DLGAP2: variants seen among roughly 807,000 people sequenced by gnomAD.
DLGAP2 encodes the protein DLG associated protein 2, also known as disks large-associated protein 2.
Under a neutral mutation model 100.3 loss-of-function variants are expected in DLGAP2, and 26 were observed. The ratio of observed to expected loss-of-function variants is 0.26; its 90% CI spans 0.19 to 0.36. The LOEUF is 0.36. DLGAP2 is among the 10% of genes least tolerant of loss of function. The probability of loss-of-function intolerance (pLI) is 1.00; values close to 1 mark genes in which losing one functional copy is unlikely to be tolerated. For synonymous variants in DLGAP2, 886 were observed against 630.1 expected (o/e 1.41, Z -6.08); for missense variants, 1,858 against 1,453.2 (o/e 1.28, Z -4.53).
At chr8:1,376,115 T>C (rs1393804111) in intron 3 of DLGAP2, among the ~76,000 whole-genome samples, 4 of 150,578 alleles carry the variant, frequency 2.7e-5, no homozygotes, top group Admixed American at 1.3e-4. Flanking sequence ...CTCCACGACC[T>C]CAGAACTGAG....
In DLGAP2 at chr8:1,318,880, C is replaced by T. The variant is rs1800830294; in HGVS notation, c.106+59997C>T. On this transcript the variant is annotated intron_variant, in intron 3 of 14. Coordinates refer to ENST00000637795, the MANE Select transcript of DLGAP2 (RefSeq NM_001346810.2). ...AGGCAGAGTTAATGATGTCCTTTCA[C>T]CACTTAGAAGGGTCCAGTGGGTCCC... Among the ~76,000 whole-genome samples, 3 of 148,694 alleles carry T rather than the reference C, an allele frequency of 2.0e-5. No individual in the cohort carries two copies. The South Asian group carries it at 6.4e-4, about 32-fold the overall frequency.
chr8:1,103,396 C>T (rs1210641336), intron 2 of DLGAP2, among the ~76,000 whole-genome samples: 1 of 151,646 alleles, frequency 6.6e-6, no homozygotes, highest in African/African-American at 2.4e-5. Flanking sequence ...TGACGACTGG[C>T]AGGGCCTTGT....
chr8:913,813 T>C (rs113597574), intron 2 of DLGAP2, among the ~76,000 whole-genome samples: 184 of 152,350 alleles, frequency 1.2e-3, no homozygotes, highest in African/African-American at 4.0e-3. Context: ...ATTATCCACA[T>C]GTGACTTTCC....
chr8:1,216,057 A>G (rs563949294), intron 2 of DLGAP2, among the ~76,000 whole-genome samples: 2 of 152,314 alleles, frequency 1.3e-5, no homozygotes, highest in African/African-American at 4.8e-5. Context: ...GCATCTGTGC[A>G]TTGGTTGGCT....
intron 3 of DLGAP2, among the ~76,000 whole-genome samples, chr8:1,364,406 GCC>G (rs144967929): frequency 0.017 from 2,656 of 152,034 alleles, 59 homozygotes; most frequent in African/African-American, 0.061. Context: ...CTGTGGGCAG[GCC>G]TGGGGGCCTC....
intron 1 of DLGAP2, among the ~76,000 whole-genome samples, chr8:794,107 G>T (rs4735924): frequency 6.6e-6 from 1 of 151,424 alleles, no homozygotes; most frequent in Non-Finnish European, 1.5e-5. Flanking sequence ...CTGCAGGACA[G>T]GGTCCCTTGT....
chr8:1,658,110 C>G (rs1425220215), intron 8 of DLGAP2, among the ~76,000 whole-genome samples: 1 of 152,060 alleles, frequency 6.6e-6, no homozygotes, highest in Non-Finnish European at 1.5e-5. Context: ...ACATAGTTCG[C>G]AAAAAGACTG....
At chr8:1,354,111 C>T (rs1205221418) in intron 3 of DLGAP2, among the ~76,000 whole-genome samples, 1 of 152,296 alleles carries the variant, frequency 6.6e-6, no homozygotes, top group African/African-American at 2.4e-5. Flanking sequence ...TAACTTCACC[C>T]AGAAATTGTA....
At chr8:987,826 C>G (rs73673045) in intron 2 of DLGAP2, among the ~76,000 whole-genome samples, 1 of 152,164 alleles carries the variant, frequency 6.6e-6, no homozygotes, top group Non-Finnish European at 1.5e-5. Flanking sequence ...CCAGTTTCCC[C>G]CAACATATGA....
At chr8:1,078,037 G>A (rs1401163862) in intron 2 of DLGAP2, among the ~76,000 whole-genome samples, 1 of 152,142 alleles carries the variant, frequency 6.6e-6, no homozygotes, top group Non-Finnish European at 1.5e-5. Context: ...GTCAAGCACA[G>A]AGGAACTTAA....
At chr8:1,657,537 T>C (rs1798311928) in intron 8 of DLGAP2, among the ~76,000 whole-genome samples, 1 of 152,248 alleles carries the variant, frequency 6.6e-6, no homozygotes, top group Non-Finnish European at 1.5e-5. Context: ...AATGATCATT[T>C]TGAATTCTTT....
intron 1 of DLGAP2, among the ~76,000 whole-genome samples, chr8:830,490 C>G (rs1233477882): frequency 2.0e-5 from 3 of 152,218 alleles, no homozygotes; most frequent in African/African-American, 4.8e-5. Flanking sequence ...ATTCTACTCT[C>G]TATCTCCGTG....
chr8:986,095 G>T (rs751881600), intron 2 of DLGAP2, among the ~76,000 whole-genome samples: 13 of 151,996 alleles, frequency 8.6e-5, no homozygotes, highest in African/African-American at 3.1e-4. Context: ...ACGTTATTAG[G>T]GGGGAGTATG....
chr8:1,530,939 G>A (rs1052248660), intron 4 of DLGAP2, among the ~76,000 whole-genome samples: 2 of 152,196 alleles, frequency 1.3e-5, no homozygotes, highest in African/African-American at 4.8e-5. Context: ...AATTCAGTAG[G>A]CTGAAATTCC....
chr8:1,580,728 C>CA (rs1419908847), intron 6 of DLGAP2, among the ~76,000 whole-genome samples: 5 of 44,776 alleles, frequency 1.1e-4, no homozygotes, highest in Middle Eastern at 7.2e-3. Flanking sequence ...AGACAAACCC[C>CA]CACACATCTA....
intron 1 of DLGAP2, among the ~76,000 whole-genome samples, chr8:856,864 C>A (rs181992942): frequency 3.5e-4 from 53 of 152,172 alleles, no homozygotes; most frequent in African/African-American, 1.3e-3. Flanking sequence ...TTGTGGATAT[C>A]AACAAATTGA....
chr8:1,184,142 T>C (rs1459425039), intron 2 of DLGAP2, among the ~76,000 whole-genome samples: 5 of 152,230 alleles, frequency 3.3e-5, no homozygotes, highest in Non-Finnish European at 7.3e-5. Flanking sequence ...TGTCTCCAAG[T>C]TGCACAGCGG....
At chr8:1,592,359 C>T (rs1016236400) in intron 6 of DLGAP2, among the ~76,000 whole-genome samples, 1 of 152,086 alleles carries the variant, frequency 6.6e-6, no homozygotes, top group Non-Finnish European at 1.5e-5. Flanking sequence ...TTTTTTATCC[C>T]TTTCTAACAT....
rs1485011768 is a variant in DLGAP2 at position 1,668,479 on chromosome 8, C to A, written c.1961C>A (p.Pro654His). 1 of 1,593,178 alleles carries A rather than the reference C, an allele frequency of 6.3e-7. No individual in the cohort carries two copies. The highest frequency in any genetic ancestry group is 1.1e-5 in the South Asian group (1 of 87,590). The stretch of plus-strand genomic sequence containing the variant: ...CGCGCACAGAGGATGTCCCCGTGGC[C>A]CCAGGACAGCCGCGGCCTCTACAAC... Reference protein sequence around the residue: ...DSRAQRMSPWPQDSRGLYNST... With the variant: ...DSRAQRMSPWHQDSRGLYNST... Residue 654 changes from proline to histidine, a missense_variant, in exon 9 of 15, where the codon CCC becomes CAC. Physicochemically the swap from Pro to His is moderately conservative, Grantham distance 77. Transcript: ENST00000637795.
Sources: allele counts gnomAD v4.1 joint callset (sites outside exome capture counted in the v4.1 genomes callset), GRCh38; gene constraint gnomAD v4.1.1; transcripts MANE v1.5; gene names NCBI Gene and HGNC (gene_info 2026-07-23, HGNC 2026-07-21).